The following AP3B1 variants were observed in gnomAD, a reference collection of about 807,000 sequenced individuals.
The protein encoded by AP3B1 is adaptor related protein complex 3 subunit beta 1.
Under a neutral mutation model 132.5 loss-of-function variants are expected in AP3B1, and 61 were observed. That is an observed-to-expected ratio of 0.46 (90% CI 0.37 to 0.57). The LOEUF is 0.57. Ranked by LOEUF, AP3B1 falls within the 20% of genes least tolerant of loss-of-function variation. The probability of loss-of-function intolerance (pLI) is 0.00; values close to 1 mark genes in which losing one functional copy is unlikely to be tolerated. For synonymous variants in AP3B1, 388 were observed against 438.3 expected, an observed-to-expected ratio of 0.89 and a Z score of 1.43; for missense variants, 1,120 against 1,289.4, an observed-to-expected ratio of 0.87 and a Z score of 2.01.
chr5:78,101,376 T>A (rs900133644), intron 20 of AP3B1: 8 of 444,600 alleles, frequency 1.8e-5, no homozygotes, highest in Non-Finnish European at 3.1e-5. Context: ...AAAATAACTT[T>A]TAAACAGGTT....
chr5:78,273,795 A>G (rs987716036), intron 1 of AP3B1, among the ~76,000 whole-genome samples: 1 of 152,128 alleles, frequency 6.6e-6, no homozygotes, highest in Non-Finnish European at 1.5e-5. Context: ...AAAAAGTTCC[A>G]TAAACAAGAC....
Position 78,039,122 on chromosome 5 carries a change from A to C in AP3B1, c.2730T>G (p.Thr910=), listed in dbSNP as rs143527588. ...VSIQITLNNT[T]DRKIENIHIG... ...TGTGGATATTTTCTATCTTTCGATC[A>C]GTAGTGTTATTCAGTGTTATTTGTA... The change falls in exon 23 of 27, where the codon ACT becomes ACG. Residue 910 remains threonine, a synonymous_variant. Coordinates refer to ENST00000255194, the MANE Select transcript of AP3B1 (RefSeq NM_003664.5). 4 of 1,613,680 alleles carry C rather than the reference A, an allele frequency of 2.5e-6. No individual in the cohort carries two copies. The Admixed American group carries it at 5.0e-5, about 20-fold the overall frequency.
At chr5:78,080,080 C>T (rs974545770) in intron 22 of AP3B1, among the ~76,000 whole-genome samples, 1 of 152,146 alleles carries the variant, frequency 6.6e-6, no homozygotes, top group Non-Finnish European at 1.5e-5. Flanking sequence ...GCGATCCTGG[C>T]TCTTGACAAT....
intron 7 of AP3B1, among the ~76,000 whole-genome samples, chr5:78,201,441 C>A (rs1327176299): frequency 6.6e-6 from 1 of 152,078 alleles, no homozygotes; most frequent in Non-Finnish European, 1.5e-5. Context: ...AATATTCATA[C>A]AATAGACTAT....
intron 22 of AP3B1, among the ~76,000 whole-genome samples, chr5:78,057,856 A>G (rs1433307084): frequency 6.6e-6 from 1 of 152,184 alleles, no homozygotes; most frequent in Non-Finnish European, 1.5e-5. Flanking sequence ...TTGACATGTT[A>G]TAATTTAATT....
intron 22 of AP3B1, among the ~76,000 whole-genome samples, chr5:78,071,830 T>C (rs1749555377): frequency 6.6e-6 from 1 of 152,220 alleles, no homozygotes; most frequent in Admixed American, 6.5e-5. Context: ...TGATGATGTT[T>C]ACTGAAGCCA....
At chr5:78,283,117 C>A (rs1021027068) in intron 1 of AP3B1, among the ~76,000 whole-genome samples, 8 of 152,172 alleles carry the variant, frequency 5.3e-5, no homozygotes, top group African/African-American at 1.7e-4. Flanking sequence ...TATGTTAAAT[C>A]TTTTAATCCT....
chr5:78,253,763 G>C (rs778899661), intron 2 of AP3B1, among the ~76,000 whole-genome samples: 1 of 151,920 alleles, frequency 6.6e-6, no homozygotes, highest in Non-Finnish European at 1.5e-5. Context: ...TCAGGAGATC[G>C]AGACCATCCT....
chr5:78,046,029 T>C (rs1748313149), intron 22 of AP3B1, among the ~76,000 whole-genome samples: 1 of 152,212 alleles, frequency 6.6e-6, no homozygotes, highest in Non-Finnish European at 1.5e-5. Flanking sequence ...AAACATTTAC[T>C]ATCTGGTACC....
chr5:78,121,615 GATAC>G (rs891554003), intron 17 of AP3B1: 1 of 152,142 alleles, frequency 6.6e-6, no homozygotes, highest in African/African-American at 2.4e-5. Flanking sequence ...TAAATTCCTT[GATAC>G]ATACACCCTC....
rs551216482 is a variant in AP3B1, at chr5:78,062,859, C to T, written c.2578-23585G>A. The stretch of plus-strand genomic sequence containing the variant: ...TGGAGAGGGAAGGTCAGCGAGGTGC[C>T]GTATGAGAGATGAGGCTGGGCTGAT... On this transcript the variant is annotated intron_variant, in intron 22 of 26. Transcript: ENST00000255194. 5.8e-4 allele frequency among the ~76,000 whole-genome samples: 88 copies of T among 152,146 alleles called. 2 individuals carry two copies. Among genetic ancestry groups the T allele is most frequent in the South Asian group, 2.5e-3 (12 of 4,802 alleles).
intron 24 of AP3B1, among the ~76,000 whole-genome samples, chr5:78,021,650 G>T (rs534174695): frequency 2.0e-5 from 3 of 152,114 alleles, no homozygotes; most frequent in African/African-American, 7.2e-5. Flanking sequence ...AATACAAGAA[G>T]TCTTAGAGTT....
At chr5:78,243,273 C>CCATTCATTCATT (rs148044734) in intron 2 of AP3B1, among the ~76,000 whole-genome samples, 42 of 151,820 alleles carry the variant, frequency 2.8e-4, no homozygotes, top group African/African-American at 9.7e-4. Flanking sequence ...AGGACCCCTG[C>CCATTCATTCATT]CATTCATTCA....
Position 78,080,461 on chromosome 5 carries a change from T to C in AP3B1, c.2577+8932A>G, listed in dbSNP as rs538896588. Among the ~76,000 whole-genome samples, 16 of 149,914 alleles carry C rather than the reference T, an allele frequency of 1.1e-4. No homozygotes were observed. In the South Asian group the frequency reaches 3.1e-3, roughly 29 times the overall value. ...ATGTAGTTTCCAATTTTCTTTTTTTTTTTTCTTTTTCTTTTTTTTTTGCTC... is the reference window on the plus strand; with the variant it reads ...ATGTAGTTTCCAATTTTCTTTTTTTCTTTTCTTTTTCTTTTTTTTTTGCTC... On this transcript the variant is annotated intron_variant, in intron 22 of 26. Transcript: ENST00000255194.
chr5:78,120,316 T>C (rs1414316858), intron 17 of AP3B1, among the ~76,000 whole-genome samples: 2 of 152,164 alleles, frequency 1.3e-5, no homozygotes, highest in Admixed American at 6.5e-5. Flanking sequence ...AACATCATAA[T>C]GACAGGACCA....
intron 24 of AP3B1, among the ~76,000 whole-genome samples, chr5:78,028,251 G>A (rs1189393584): frequency 6.6e-6 from 1 of 151,990 alleles, no homozygotes; most frequent in Admixed American, 6.6e-5. Context: ...CGCAAGGTCA[G>A]GAGTTTGAGA....
At chr5:78,282,859 A>AG (rs1561220277) in intron 1 of AP3B1, among the ~76,000 whole-genome samples, 1 of 151,506 alleles carries the variant, frequency 6.6e-6, no homozygotes, top group East Asian at 1.9e-4. Flanking sequence ...AAAAAAAAAA[A>AG]AAAAAAATAG....
In AP3B1 at chr5:78,247,248, A is replaced by G. The variant is rs1352205313; in HGVS notation, c.205-6312T>C. On this transcript the variant is annotated intron_variant, in intron 2 of 26. Transcript: ENST00000255194. Reference sequence around the variant, plus strand: ...TGTTTTATGGCCCAGAATGTAGTCTATCTTGCTAATATAGATAATAATTAT... The same window carrying G: ...TGTTTTATGGCCCAGAATGTAGTCTGTCTTGCTAATATAGATAATAATTAT... Among the ~76,000 whole-genome samples, 8 of 149,446 alleles carry G rather than the reference A, an allele frequency of 5.4e-5. 1 individual carries two copies. The highest frequency in any genetic ancestry group is 1.3e-4 in the Admixed American group (2 of 14,964).
In AP3B1 at chr5:78,003,386, A is replaced by G. The variant is rs540734147; in HGVS notation, c.3132-331T>C. 21 of 339,568 alleles carry G rather than the reference A, an allele frequency of 6.2e-5. No homozygotes were observed. The South Asian group carries it at 2.0e-3, about 33-fold the overall frequency. The allele number at this position is 339,568 out of a possible 1,614,324, so 21.0% of individuals were successfully genotyped here. On this transcript the variant is annotated intron_variant, in intron 26 of 26. Transcript: ENST00000255194. Reference sequence around the variant, plus strand: ...ACCATTCATCCACTTGGTATTTAACATTTCACCATGCATAGGGACATTTTA... The same window carrying G: ...ACCATTCATCCACTTGGTATTTAACGTTTCACCATGCATAGGGACATTTTA...
Sources: gnomAD v4.1 joint callset for allele counts (sites outside exome capture counted in the v4.1 genomes callset) on GRCh38, gnomAD v4.1.1 for gene constraint, MANE v1.5 for transcripts, NCBI Gene and HGNC (gene_info 2026-07-23, HGNC 2026-07-21) for gene names.